AIG1: variants seen among roughly 807,000 people sequenced by gnomAD.
AIG1 encodes androgen induced 1.
Under a neutral mutation model 31.4 loss-of-function variants are expected in AIG1, and 23 were observed. The ratio of observed to expected loss-of-function variants is 0.73; its 90% CI spans 0.53 to 1.04. The LOEUF is 1.04. Ranked by LOEUF, AIG1 falls within the 50% of genes least tolerant of loss-of-function variation. The probability of loss-of-function intolerance (pLI) is 0.00; values close to 1 mark genes in which losing one functional copy is unlikely to be tolerated. For missense variants in AIG1, 274 were observed against 295.0 expected, an observed-to-expected ratio of 0.93 and a Z score of 0.52; for synonymous variants, 100 against 110.5, an observed-to-expected ratio of 0.90 and a Z score of 0.60.
chr6:143,289,293 GCTA>G (rs1797894479), intron 4 of AIG1, among the ~76,000 whole-genome samples: 1 of 152,108 alleles, frequency 6.6e-6, no homozygotes, highest in African/African-American at 2.4e-5. Flanking sequence ...GTTATGTGAT[GCTA>G]CATCAAAATC....
chr6:143,230,001 C>T (rs1024567054), intron 3 of AIG1, among the ~76,000 whole-genome samples: 3 of 152,066 alleles, frequency 2.0e-5, no homozygotes, highest in African/African-American at 7.2e-5. Flanking sequence ...TAGAACTTTC[C>T]TAACTTATAA....
chr6:143,333,163 G>T lies in AIG1; in HGVS notation c.516-119G>T. The T allele has an allele frequency of 9.6e-7, 1 of 1,042,300 alleles. No homozygotes were observed. The allele number at this position is 1,042,300 out of a possible 1,614,324, so 64.6% of individuals were successfully genotyped here. ...GCTCCTGAGTATCAGAAGCGAACTT[G>T]AGACTGGCAAATGCTGAAGCATGGG... On this transcript the variant is annotated intron_variant, in intron 4 of 5. Transcript: ENST00000357847. The surrounding 1 kb of genome is among the most constrained non-coding windows in gnomAD (Gnocchi z 4.6).
chr6:143,260,249 G>A (rs1219794486), intron 3 of AIG1, among the ~76,000 whole-genome samples: 2 of 152,064 alleles, frequency 1.3e-5, no homozygotes, highest in African/African-American at 4.8e-5. Flanking sequence ...TTGACCTCGT[G>A]ATCCGCCCGC....
rs9373379 is a variant in AIG1, at chr6:143,216,309, T to C, written c.399+51126T>C. Among the ~76,000 whole-genome samples the C allele has an allele frequency of 3.2e-3, 480 of 152,338 alleles. 10 individuals carry two copies. In the East Asian group the frequency reaches 0.064, roughly 20 times the overall value. On this transcript the variant is annotated intron_variant, in intron 3 of 5. Coordinates refer to ENST00000357847, the MANE Select transcript of AIG1 (RefSeq NM_016108.4). ...TTTTCTAAGTTTCTCAGTTCCATTA[T>C]GTTCAGTTTGGAGGATTCCAGCAGA...
Position 143,297,747 on chromosome 6 carries a change from T to A in AIG1, c.515+13522T>A, listed in dbSNP as rs1798534449. On this transcript the variant is annotated intron_variant, in intron 4 of 5. Transcript: ENST00000357847. The surrounding 1 kb of genome is among the most constrained non-coding windows in gnomAD (Gnocchi z 5.1). ...CTGCCTCTCCTCCAATTTTCATGTCTCAGCCAGATAGTTTTTTTAAAATGC... is the reference window on the plus strand; with the variant it reads ...CTGCCTCTCCTCCAATTTTCATGTCACAGCCAGATAGTTTTTTTAAAATGC... Among the ~76,000 whole-genome samples the A allele has an allele frequency of 6.6e-6, 1 of 152,230 alleles. No individual in the cohort carries two copies.
chr6:143,142,729 A>G (rs1218463346), intron 2 of AIG1, among the ~76,000 whole-genome samples: 6 of 152,180 alleles, frequency 3.9e-5, no homozygotes, highest in Non-Finnish European at 7.3e-5. Context: ...TGTTATAATC[A>G]TGTCTTGTAA....
intron 4 of AIG1, among the ~76,000 whole-genome samples, chr6:143,321,970 C>T (rs989839653): frequency 1.3e-5 from 2 of 152,024 alleles, no homozygotes; most frequent in Admixed American, 6.6e-5. Flanking sequence ...GGCGCCAATA[C>T]GTATTTGTTG....
chr6:143,129,299 T>G (rs906135214), intron 1 of AIG1, among the ~76,000 whole-genome samples: 3 of 151,552 alleles, frequency 2.0e-5, no homozygotes, highest in African/African-American at 4.8e-5. Context: ...TCAAAAAAAA[T>G]AAAAAAAGAA....
chr6:143,320,112 T>C (rs1776086896), intron 4 of AIG1, among the ~76,000 whole-genome samples: 1 of 151,994 alleles, frequency 6.6e-6, no homozygotes, highest in South Asian at 2.1e-4. Flanking sequence ...CCAGCAAATA[T>C]ACAAAAGCTC....
Position 143,288,129 on chromosome 6 carries a change from C to T in AIG1, c.515+3904C>T, listed in dbSNP as rs147415588. Among the ~76,000 whole-genome samples the T allele has an allele frequency of 2.6e-5, 4 of 152,200 alleles. No individual in the cohort carries two copies. Among genetic ancestry groups the T allele is most frequent in the Middle Eastern group, 3.4e-3 (1 of 294 alleles). On this transcript the variant is annotated intron_variant, in intron 4 of 5. Transcript: ENST00000357847. The surrounding 1 kb of genome is among the most constrained non-coding windows in gnomAD (Gnocchi z 4.4). Reference sequence around the variant, plus strand: ...AGCCGTCTGGGGCTGAATCTTTTCCCGGGCTGGCTCCACCCTCACTTCCAA... The same window carrying T: ...AGCCGTCTGGGGCTGAATCTTTTCCTGGGCTGGCTCCACCCTCACTTCCAA...
chr6:143,153,909 A>G (rs1248027456), intron 2 of AIG1, among the ~76,000 whole-genome samples: 1 of 151,468 alleles, frequency 6.6e-6, no homozygotes, highest in African/African-American at 2.4e-5. Context: ...TATTCAACCA[A>G]TTATTAATAG....
At chr6:143,188,960 A>T in intron 3 of AIG1, 1 of 984,268 alleles carries the variant, frequency 1.0e-6, no homozygotes, top group South Asian at 4.7e-5. Flanking sequence ...TTTTGTAGTT[A>T]AAAAAGTAAG....
chr6:143,159,146 GGAGGGGAA>G (rs1441396883), intron 2 of AIG1, among the ~76,000 whole-genome samples: 1 of 152,232 alleles, frequency 6.6e-6, no homozygotes, highest in Admixed American at 6.5e-5. Flanking sequence ...CCATGTGAAA[GGAGGGGAA>G]GAGCATTCCT....
chr6:143,305,874 G>A (rs1351358242), intron 4 of AIG1, among the ~76,000 whole-genome samples: 1 of 152,002 alleles, frequency 6.6e-6, no homozygotes, highest in Non-Finnish European at 1.5e-5. Context: ...CTCTTTGTAG[G>A]TCACTCAGGA....
intron 1 of AIG1, among the ~76,000 whole-genome samples, chr6:143,086,847 A>G (rs569013402): frequency 6.6e-5 from 10 of 152,206 alleles, no homozygotes; most frequent in Non-Finnish European, 7.3e-5. Context: ...CGCATGGGCA[A>G]CTGTTGAAGA....
intron 1 of AIG1, among the ~76,000 whole-genome samples, chr6:143,066,159 G>A (rs1562338197): frequency 6.6e-6 from 1 of 152,204 alleles, no homozygotes; most frequent in African/African-American, 2.4e-5. Flanking sequence ...AGATCATCAG[G>A]TGATTTCTAT....
rs549886486 is a variant in AIG1, at chr6:143,295,082, C to T, written c.515+10857C>T. On this transcript the variant is annotated intron_variant, in intron 4 of 5. Transcript: ENST00000357847. ...ATGTCTGCATCCCACCCCAAACCTGCATCCCCTTGTCATCATCCCAAAACT... is the reference window on the plus strand; with the variant it reads ...ATGTCTGCATCCCACCCCAAACCTGTATCCCCTTGTCATCATCCCAAAACT... 2.4e-4 allele frequency among the ~76,000 whole-genome samples: 36 copies of T among 152,320 alleles called. No individual in the cohort carries two copies. In the South Asian group the frequency reaches 3.7e-3, roughly 16 times the overall value.
intron 1 of AIG1, among the ~76,000 whole-genome samples, chr6:143,091,846 A>G (rs1040958107): frequency 2.0e-5 from 3 of 152,242 alleles, no homozygotes; most frequent in African/African-American, 7.2e-5. Context: ...GATGAAATGT[A>G]CTATTGCTTC....
chr6:143,143,528 A>AAAAAAATATATATATAT (rs1554249782), intron 2 of AIG1, among the ~76,000 whole-genome samples: 7 of 27,768 alleles, frequency 2.5e-4, no homozygotes, highest in Non-Finnish European at 3.9e-4. Flanking sequence ...AAAAAAAAAA[A>AAAAAAATATATATATAT]ATATATATAT....
Sources: gnomAD v4.1 joint callset for allele counts (sites outside exome capture counted in the v4.1 genomes callset) on GRCh38, gnomAD v4.1.1 for gene constraint, Gnocchi (gnomAD v3.1) non-coding constraint, MANE v1.5 for transcripts, NCBI Gene and HGNC (gene_info 2026-07-23, HGNC 2026-07-21) for gene names.